The following IL1R1 variants were observed in gnomAD, a reference collection of about 807,000 sequenced individuals.
The protein encoded by IL1R1 is interleukin-1 receptor type 1.
In IL1R1, 22 loss-of-function variants were observed where a neutral mutation model predicts 50.2. The ratio of observed to expected loss-of-function variants is 0.44; its 90% confidence interval spans 0.31 to 0.63. The LOEUF (loss-of-function observed/expected upper bound fraction) is 0.63, where lower values mean the gene tolerates loss of function less well. IL1R1 is among the 20% of genes least tolerant of loss of function. The probability of loss-of-function intolerance (pLI) is 0.07; values close to 1 mark genes in which losing one functional copy is unlikely to be tolerated. For missense variants in IL1R1, 509 were observed against 676.2 expected (o/e 0.75, Z 2.74); for synonymous variants, 251 against 236.7 (o/e 1.06, Z -0.55).
At chr2:102,153,300 C>T (rs1292404471) in intron 1 of IL1R1, among the ~76,000 whole-genome samples, 1 of 152,180 alleles carries the variant, frequency 6.6e-6, no homozygotes, top group Non-Finnish European at 1.5e-5. Context: ...TGATTCATTT[C>T]TGCACCCCGG....
chr2:102,079,053 A>AAAC (rs965292207), intron 1 of IL1R1, among the ~76,000 whole-genome samples: 48 of 152,146 alleles, frequency 3.2e-4, no homozygotes, highest in South Asian at 1.5e-3. Context: ...TCAAGATTAA[A>AAAC]AACAACAACA....
At chr2:102,167,095 TA>T (rs965135717) in intron 6 of IL1R1, among the ~76,000 whole-genome samples, 3 of 152,204 alleles carry the variant, frequency 2.0e-5, no homozygotes, top group African/African-American at 7.2e-5. Flanking sequence ...TTGCAGGTTA[TA>T]GGGGTGACTA....
At chr2:102,085,780 T>C (rs982326094) in intron 1 of IL1R1, among the ~76,000 whole-genome samples, 1 of 152,194 alleles carries the variant, frequency 6.6e-6, no homozygotes, top group Non-Finnish European at 1.5e-5. Flanking sequence ...AATTAATTTA[T>C]AAATCAATTT....
At chr2:102,089,635 A>G (rs1679573617) in intron 1 of IL1R1, among the ~76,000 whole-genome samples, 1 of 152,200 alleles carries the variant, frequency 6.6e-6, no homozygotes, top group South Asian at 2.1e-4. Context: ...TGTGAGGTAC[A>G]ATAAAGCAAA....
At chr2:102,159,937 T>C (rs562788755) in intron 3 of IL1R1, among the ~76,000 whole-genome samples, 1 of 152,228 alleles carries the variant, frequency 6.6e-6, no homozygotes, top group Non-Finnish European at 1.5e-5. Flanking sequence ...TCTGTTTGTT[T>C]CCTTATTTTC....
chr2:102,094,025 C>T (rs1462219004), intron 1 of IL1R1, among the ~76,000 whole-genome samples: 1 of 151,956 alleles, frequency 6.6e-6, no homozygotes, highest in Non-Finnish European at 1.5e-5. Context: ...AAAACAAAAC[C>T]AACCAACCAA....
upstream of IL1R1, among the ~76,000 whole-genome samples, chr2:102,140,924 G>A (rs1682610999): frequency 6.6e-6 from 1 of 152,198 alleles, no homozygotes; most frequent in Admixed American, 6.5e-5. Flanking sequence ...TGTCTAGCAG[G>A]ACACTGGGTA....
chr2:102,172,618 G>A (rs1245315933), intron 8 of IL1R1, 69 bp from the exon 9 acceptor site: 1 of 1,354,716 alleles, frequency 7.4e-7, no homozygotes, highest in Non-Finnish European at 1.0e-6. Flanking sequence ...AATACACAGG[G>A]TATACAGGTC....
chr2:102,153,792 TC>T (rs1227915254), intron 1 of IL1R1, 148 bp from the exon 2 acceptor site: 4 of 152,358 alleles, frequency 2.6e-5, no homozygotes, highest in Non-Finnish European at 4.4e-5. Flanking sequence ...GTCAATTAAA[TC>T]CTCTTTCCTT....
At chr2:102,132,973 A>C (rs1203740748) in intron 1 of IL1R1, among the ~76,000 whole-genome samples, 1 of 152,108 alleles carries the variant, frequency 6.6e-6, no homozygotes, top group Non-Finnish European at 1.5e-5. Flanking sequence ...CACAAGGCGC[A>C]GTGGCTCACA....
intron 1 of IL1R1, among the ~76,000 whole-genome samples, chr2:102,151,411 T>TGGTG (rs1683641128): frequency 6.6e-6 from 1 of 152,150 alleles, no homozygotes; most frequent in South Asian, 2.1e-4. Flanking sequence ...CATGCAAAAA[T>TGGTG]GGTGGGTAGG....
chr2:102,101,768 C>T (rs1056456865), upstream of IL1R1, among the ~76,000 whole-genome samples: 5 of 152,118 alleles, frequency 3.3e-5, no homozygotes, highest in Non-Finnish European at 4.4e-5. Context: ...GTTAGAATGA[C>T]GTCTTCTGAT....
At chr2:102,111,159 T>C (rs937109193) in intron 1 of IL1R1, among the ~76,000 whole-genome samples, 7 of 152,172 alleles carry the variant, frequency 4.6e-5, no homozygotes, top group Admixed American at 2.6e-4. Flanking sequence ...GTTTGGCTTT[T>C]ATTGTGAGTT....
chr2:102,077,995 AAG>A (rs1158689996), intron 1 of IL1R1, among the ~76,000 whole-genome samples: 1 of 152,238 alleles, frequency 6.6e-6, no homozygotes, highest in African/African-American at 2.4e-5. Context: ...AAGAAATTAA[AAG>A]AGAAATTAAA....
At chr2:102,153,368 T>C (rs1683873238) in intron 1 of IL1R1, among the ~76,000 whole-genome samples, 1 of 152,192 alleles carries the variant, frequency 6.6e-6, no homozygotes, top group South Asian at 2.1e-4. Flanking sequence ...GTTGTCAAGC[T>C]CTTTGTATTC....
intron 3 of IL1R1, among the ~76,000 whole-genome samples, chr2:102,161,051 A>T (rs1379447701): frequency 6.6e-6 from 1 of 152,172 alleles, no homozygotes; most frequent in Non-Finnish European, 1.5e-5. Flanking sequence ...TCAATTTGAA[A>T]TTTTTAAAAA....
chr2:102,082,130 A>G (rs1679238044), intron 1 of IL1R1, among the ~76,000 whole-genome samples: 1 of 152,050 alleles, frequency 6.6e-6, no homozygotes, highest in Non-Finnish European at 1.5e-5. Context: ...TCCTTCTTCA[A>G]ATGTTCTCCT....
chr2:102,169,340 G>A (rs1578030020), intron 7 of IL1R1, among the ~76,000 whole-genome samples: 4 of 152,198 alleles, frequency 2.6e-5, no homozygotes, highest in Admixed American at 1.3e-4. Flanking sequence ...GTTACTAGGC[G>A]CATGGAGTTA....
At chr2:102,104,392 T>C (rs1323525727), upstream of IL1R1, among the ~76,000 whole-genome samples, 2 of 152,160 alleles carry the variant, frequency 1.3e-5, no homozygotes, top group Admixed American at 6.5e-5. Flanking sequence ...CCAGCAGGCT[T>C]GTCCAGGTTC....
Sources: gnomAD v4.1 joint callset for allele counts (sites outside exome capture counted in the v4.1 genomes callset) on GRCh38, gnomAD v4.1.1 for gene constraint, MANE v1.5 for transcripts, NCBI Gene and HGNC (gene_info 2026-07-23, HGNC 2026-07-21) for gene names.